AXIN1: variants seen among roughly 807,000 people sequenced by gnomAD.
AXIN1 encodes axin-1.
In AXIN1, 30 loss-of-function variants were observed where a neutral mutation model predicts 76.4. That is an observed-to-expected ratio of 0.39 (90% confidence interval 0.29 to 0.53). The LOEUF is 0.53. Ranked by LOEUF, AXIN1 falls within the 20% of genes least tolerant of loss-of-function variation. The pLI, the probability that AXIN1 is intolerant of heterozygous loss-of-function variation, is 0.66. For missense variants in AXIN1, 1,140 were observed against 1,198.8 expected, an observed-to-expected ratio of 0.95 and a Z score of 0.72; for synonymous variants, 545 against 501.4, an observed-to-expected ratio of 1.09 and a Z score of -1.16.
chr16:287,458 T>A lies in AXIN1; in HGVS notation c.*664A>T. ...AGCCAGGGCAGGTTCAAAAACAGTT[T>A]TATTTCATTATTATCCAAGTACCTT... On this transcript the variant is annotated 3_prime_UTR_variant, in exon 11 of 11. Coordinates refer to ENST00000262320, the MANE Select transcript of AXIN1 (RefSeq NM_003502.4). 1 of 426,374 alleles carries A rather than the reference T, an allele frequency of 2.3e-6. No homozygotes were observed. The allele number at this position is 426,374 out of a possible 1,614,324, so 26.4% of individuals were successfully genotyped here. A position where few individuals can be genotyped will look rare whatever the true frequency, so the allele number is the denominator to read the frequency against.
chr16:333,452 A>T (rs1567298182), intron 2 of AXIN1, among the ~76,000 whole-genome samples: 1 of 152,018 alleles, frequency 6.6e-6, no homozygotes, highest in Non-Finnish European at 1.5e-5. Flanking sequence ...AAAAAAAAGA[A>T]AAGAAACAAA....
Position 293,235 on chromosome 16 carries a change from G to A in AXIN1, c.2186+253C>T, listed in dbSNP as rs905079925. On this transcript the variant is annotated intron_variant, in intron 8 of 10. Transcript: ENST00000262320. The surrounding 1 kb of genome is among the most constrained non-coding windows in gnomAD (Gnocchi z 4.6). ...GCAGACTGGGCTCAGGTTGAGGAGG[G>A]ACCCCGCCTCCAGAGCAATGAGCGC... The A allele has an allele frequency of 5.7e-5, 32 of 565,784 alleles. No individual in the cohort carries two copies. The Admixed American group carries it at 9.2e-4, about 16-fold the overall frequency. 35.0% of individuals were successfully genotyped at this position (565,784 alleles called of 1,614,324 possible).
rs747494896 is a variant in AXIN1 at position 297,175 on chromosome 16, C to T, written c.1836G>A (p.Gly612=). 2 of 1,611,322 alleles carry T rather than the reference C, an allele frequency of 1.2e-6. No homozygotes were observed. Among genetic ancestry groups the T allele is most frequent in the East Asian group, 2.2e-5 (1 of 44,890 alleles). ...CTGGCACCTCGGTGCTGGCGCTCTT[C>T]CCCGACTCAGCCTTCTTGGCATTTC... is the stretch of plus-strand genomic sequence containing the variant. The part of the protein sequence containing the change: ...CKRNAKKAES[G]KSASTEVPGA... Residue 612 remains glycine, a synonymous_variant, in exon 7 of 11, where the codon GGG becomes GGA. Transcript: ENST00000262320.
At chr16:326,366 A>ATATATATATAT (rs2053579688) in intron 2 of AXIN1, among the ~76,000 whole-genome samples, 1 of 92,632 alleles carries the variant, frequency 1.1e-5, no homozygotes, top group Non-Finnish European at 2.1e-5. Flanking sequence ...AAAAAAAAAA[A>ATATATATATAT]AAAAAAATAT....
At chr16:313,203 G>A (rs180693977) in intron 3 of AXIN1, among the ~76,000 whole-genome samples, 276 of 152,286 alleles carry the variant, frequency 1.8e-3, no homozygotes, top group Non-Finnish European at 3.4e-3. Flanking sequence ...AACTCTGAAG[G>A]CTGAGGCAGA....
intron 5 of AXIN1, among the ~76,000 whole-genome samples, chr16:300,383 A>AGATGGGGAATCTCACTATGTTGTCC (rs2141527583): frequency 6.6e-6 from 1 of 151,296 alleles, no homozygotes; most frequent in East Asian, 1.9e-4. Flanking sequence ...TTTTTTGTAG[A>AGATGGGGAATCTCACTATGTTGTCC]GATGGGGAAT....
chr16:349,223 G>T (rs2054094596), intron 1 of AXIN1, among the ~76,000 whole-genome samples: 1 of 152,194 alleles, frequency 6.6e-6, no homozygotes, highest in Non-Finnish European at 1.5e-5. Flanking sequence ...GACTTTTTGT[G>T]AACGCTGCTG....
At chr16:324,183 C>A (rs562191924) in intron 2 of AXIN1, among the ~76,000 whole-genome samples, 62 of 152,358 alleles carry the variant, frequency 4.1e-4, no homozygotes, top group African/African-American at 1.4e-3. Flanking sequence ...TGTCAGTGAG[C>A]CGCCTTACGG....
intron 7 of AXIN1, 101 bp downstream of exon 7, chr16:296,955 G>C (rs373264697): frequency 5.6e-6 from 8 of 1,416,352 alleles, no homozygotes; most frequent in Middle Eastern, 1.7e-4. Flanking sequence ...CGTCACAGGC[G>C]ACACTCGCCA....
At chr16:319,293 CTG>C (rs2053385036) in intron 2 of AXIN1, among the ~76,000 whole-genome samples, 1 of 152,108 alleles carries the variant, frequency 6.6e-6, no homozygotes, top group Admixed American at 6.5e-5. Flanking sequence ...GATCACGCCA[CTG>C]TGTTCCAGCC....
chr16:287,947 G>C lies in AXIN1; in HGVS notation c.*175C>G. ...CTCCTTGGGGGCAGGACAGAAGCTT[G>C]TGGACCACTTGGAGGGACCCCCTAC... On this transcript the variant is annotated 3_prime_UTR_variant, in exon 11 of 11. Transcript: ENST00000262320. 1.9e-6 allele frequency: 2 copies of C among 1,046,504 alleles called. No individual in the cohort carries two copies. Among genetic ancestry groups the C allele is most frequent in the Admixed American group, 3.5e-5 (2 of 56,398 alleles). 64.8% of individuals were successfully genotyped at this position (1,046,504 alleles called of 1,614,324 possible).
chr16:292,972 ACACAG>A (rs1191105074), intron 8 of AXIN1: 1 of 161,500 alleles, frequency 6.2e-6, no homozygotes, highest in Non-Finnish European at 1.3e-5. Context: ...TGACAAGAGG[ACACAG>A]CGAGGAGGGC....
At chr16:299,019 G>C (rs1214439092) in intron 5 of AXIN1, 1 of 940,340 alleles carries the variant, frequency 1.1e-6, no homozygotes, top group Admixed American at 6.2e-5. Flanking sequence ...CACCCACCTC[G>C]GCCTCCCAAA....
chr16:306,049 C>T (rs1229795567), intron 4 of AXIN1, among the ~76,000 whole-genome samples: 4 of 152,156 alleles, frequency 2.6e-5, no homozygotes, highest in Non-Finnish European at 5.9e-5. Flanking sequence ...CGTCCACCTT[C>T]ACCCAGATTC....
chr16:295,771 A>G (rs1022586213), intron 7 of AXIN1, among the ~76,000 whole-genome samples: 1 of 151,732 alleles, frequency 6.6e-6, no homozygotes, highest in African/African-American at 2.4e-5. Context: ...AGATCAGCCT[A>G]ACATGGCAAC....
intron 2 of AXIN1, among the ~76,000 whole-genome samples, chr16:326,511 G>A (rs1052260924): frequency 3.3e-5 from 5 of 151,356 alleles, no homozygotes; most frequent in Non-Finnish European, 7.4e-5. Context: ...CACCATGGGA[G>A]GCCAAGGCGG....
chr16:328,947 G>A (rs1323674448), intron 2 of AXIN1, among the ~76,000 whole-genome samples: 4 of 152,152 alleles, frequency 2.6e-5, no homozygotes, highest in Admixed American at 6.5e-5. Context: ...CACAACCCCT[G>A]GGTGCTGCCA....
chr16:351,620 A>AAAAAG (rs2054145310), intron 1 of AXIN1, among the ~76,000 whole-genome samples: 1 of 142,946 alleles, frequency 7.0e-6, no homozygotes, highest in African/African-American at 2.6e-5. Context: ...AAAAAAAAAA[A>AAAAAG]ATTATCTTAG....
In AXIN1 at chr16:287,895, A is replaced by T; in HGVS notation, c.*227T>A. ...CTCACTTGGGCTGGGCCCTCCAAGTATTGCTATGAGGAGTGGTCCAGGCTG... is the reference window on the plus strand; with the variant it reads ...CTCACTTGGGCTGGGCCCTCCAAGTTTTGCTATGAGGAGTGGTCCAGGCTG... On this transcript the variant is annotated 3_prime_UTR_variant, in exon 11 of 11. Transcript: ENST00000262320. The T allele has an allele frequency of 1.5e-6, 1 of 655,974 alleles. No homozygotes were observed. The highest frequency in any genetic ancestry group is 2.8e-5 in the East Asian group (1 of 35,744). The allele number at this position is 655,974 out of a possible 1,614,324, so 40.6% of individuals were successfully genotyped here. A position where few individuals can be genotyped will look rare whatever the true frequency, so the allele number is the denominator to read the frequency against.
Sources: allele counts gnomAD v4.1 joint callset (sites outside exome capture counted in the v4.1 genomes callset), GRCh38; gene constraint gnomAD v4.1.1; non-coding constraint Gnocchi (gnomAD v3.1); transcripts MANE v1.5; gene names NCBI Gene and HGNC (gene_info 2026-07-23, HGNC 2026-07-21).